The following PELI2 variants were observed in gnomAD, a reference collection of about 807,000 sequenced individuals.
PELI2 encodes the protein pellino E3 ubiquitin protein ligase family member 2, also known as E3 ubiquitin-protein ligase pellino homolog 2.
In PELI2, 23 loss-of-function variants were observed where a neutral mutation model predicts 42.3. The ratio of observed to expected loss-of-function variants is 0.54; its 90% CI spans 0.39 to 0.77. The LOEUF (loss-of-function observed/expected upper bound fraction) is 0.77, where lower values mean the gene tolerates loss of function less well. Ranked by LOEUF, PELI2 falls within the 30% of genes least tolerant of loss-of-function variation. PELI2 has a pLI of 0.00. For synonymous variants in PELI2, 245 were observed against 212.2 expected (o/e 1.15, Z -1.34); for missense variants, 463 against 553.2 (o/e 0.84, Z 1.64).
chr14:56,227,029 A>G (rs1887382208), intron 2 of PELI2, among the ~76,000 whole-genome samples: 1 of 152,202 alleles, frequency 6.6e-6, no homozygotes, highest in Non-Finnish European at 1.5e-5. Context: ...GTCTGTGGCA[A>G]TTTTCAGGAA....
chr14:56,162,886 T>C (rs1330116910), intron 1 of PELI2, among the ~76,000 whole-genome samples: 1 of 152,180 alleles, frequency 6.6e-6, no homozygotes, highest in Admixed American at 6.5e-5. Context: ...TGTTTGTCAT[T>C]TGTATGTCTT....
intron 2 of PELI2, among the ~76,000 whole-genome samples, chr14:56,198,010 A>ACACCCCCC (rs1555346657): frequency 2.6e-5 from 3 of 114,618 alleles, no homozygotes; most frequent in East Asian, 2.2e-4. Flanking sequence ...ACACACACAC[A>ACACCCCCC]CACCCACCTC....
chr14:56,258,997 A>G (rs1888621548), intron 2 of PELI2, among the ~76,000 whole-genome samples: 1 of 152,142 alleles, frequency 6.6e-6, no homozygotes, highest in African/African-American at 2.4e-5. Flanking sequence ...AACAAAATTA[A>G]GAATGAAAAA....
chr14:56,241,494 C>T (rs1887972219), intron 2 of PELI2, among the ~76,000 whole-genome samples: 1 of 152,108 alleles, frequency 6.6e-6, no homozygotes, highest in African/African-American at 2.4e-5. Context: ...TTTATTCTAC[C>T]TGTATTGCCG....
At chr14:56,187,003 G>A (rs1359605886) in intron 2 of PELI2, among the ~76,000 whole-genome samples, 1 of 152,074 alleles carries the variant, frequency 6.6e-6, no homozygotes, top group African/African-American at 2.4e-5. Context: ...CAAACATGGA[G>A]CATTAAAGTT....
At chr14:56,238,148 T>C (rs554093339) in intron 2 of PELI2, among the ~76,000 whole-genome samples, 1 of 152,292 alleles carries the variant, frequency 6.6e-6, no homozygotes, top group South Asian at 2.1e-4. Flanking sequence ...ACTTAACCTA[T>C]TGTCAGTCAG....
At chr14:56,241,386 C>T (rs1887970036) in intron 2 of PELI2, among the ~76,000 whole-genome samples, 1 of 152,078 alleles carries the variant, frequency 6.6e-6, no homozygotes, top group Non-Finnish European at 1.5e-5. Context: ...ATGTGAGTTA[C>T]AAAGGTAGTA....
At chr14:56,262,949 G>C (rs559142440) in intron 2 of PELI2, among the ~76,000 whole-genome samples, 60 of 152,092 alleles carry the variant, frequency 3.9e-4, no homozygotes, top group Admixed American at 1.4e-3. Flanking sequence ...TTATCTGGGG[G>C]TTGTTTATAA....
rs796684592 is a variant in PELI2 at position 56,289,052 on chromosome 14, G to A, written c.507+418G>A. On this transcript the variant is annotated intron_variant, in intron 4 of 5. Coordinates refer to ENST00000267460, the MANE Select transcript of PELI2 (RefSeq NM_021255.3). Reference sequence around the variant, plus strand: ...TTCCATACTGGGTGTTTTAGTTATGGGATTACAGAGAACAACACAGACTTG... The same window carrying A: ...TTCCATACTGGGTGTTTTAGTTATGAGATTACAGAGAACAACACAGACTTG... 4.2e-4 allele frequency among the ~76,000 whole-genome samples: 64 copies of A among 152,202 alleles called. 1 individual carries two copies. Among genetic ancestry groups the A allele is most frequent in the African/African-American group, 1.3e-3 (56 of 41,536 alleles).
At chr14:56,147,558 T>A (rs1397632475) in intron 1 of PELI2, among the ~76,000 whole-genome samples, 1 of 152,246 alleles carries the variant, frequency 6.6e-6, no homozygotes, top group Non-Finnish European at 1.5e-5. Flanking sequence ...TTTGAGGATA[T>A]AACATTTTTC....
chr14:56,212,848 C>T (rs1483929539), intron 2 of PELI2, among the ~76,000 whole-genome samples: 1 of 152,196 alleles, frequency 6.6e-6, no homozygotes, highest in Non-Finnish European at 1.5e-5. Context: ...CACACCTGCC[C>T]CACAAGAGAG....
At chr14:56,233,049 T>G (rs371074741) in intron 2 of PELI2, among the ~76,000 whole-genome samples, 90 of 152,070 alleles carry the variant, frequency 5.9e-4, no homozygotes, top group Non-Finnish European at 6.3e-4. Context: ...ACTTACAGGG[T>G]ATGTGAAGGA....
chr14:56,159,481 A>G (rs1884679431), intron 1 of PELI2, among the ~76,000 whole-genome samples: 1 of 152,240 alleles, frequency 6.6e-6, no homozygotes, highest in Non-Finnish European at 1.5e-5. Flanking sequence ...AATGGCTCTC[A>G]TTCAGGAATA....
Position 56,197,164 on chromosome 14 carries a change from C to T in PELI2, c.207+18700C>T, listed in dbSNP as rs1886159513. ...TGGAGGTTGTAGGGTCAGAGGCAGG[C>T]AATAAATAAGAAATCAAACAAATAA... is the stretch of plus-strand genomic sequence containing the variant. On this transcript the variant is annotated intron_variant, in intron 2 of 5. Coordinates refer to ENST00000267460, the MANE Select transcript of PELI2 (RefSeq NM_021255.3). The surrounding 1 kb of genome is among the most constrained non-coding windows in gnomAD (Gnocchi z 4.9). Among the ~76,000 whole-genome samples, 1 of 152,060 alleles carries T rather than the reference C, an allele frequency of 6.6e-6. No homozygotes were observed. The highest frequency in any genetic ancestry group is 3.4e-3 in the Middle Eastern group (1 of 292).
chr14:56,174,094 G>A (rs959280606), intron 1 of PELI2, among the ~76,000 whole-genome samples: 2 of 152,084 alleles, frequency 1.3e-5, no homozygotes, highest in Non-Finnish European at 2.9e-5. Flanking sequence ...GTAGAGACAG[G>A]GTTTCACCAC....
intron 1 of PELI2, among the ~76,000 whole-genome samples, chr14:56,119,366 C>T (rs143674595): frequency 6.6e-6 from 1 of 152,052 alleles, no homozygotes; most frequent in Non-Finnish European, 1.5e-5. Flanking sequence ...CCGGCCGGCC[C>T]TCCGCTTCTC....
intron 5 of PELI2, among the ~76,000 whole-genome samples, chr14:56,292,361 A>T (rs949601579): frequency 2.0e-5 from 3 of 152,196 alleles, no homozygotes; most frequent in African/African-American, 7.2e-5. Flanking sequence ...TAACCTCTGG[A>T]GAACAGTTTT....
rs549857753 is a variant in PELI2, at chr14:56,219,788, T to A, written c.207+41324T>A. Among the ~76,000 whole-genome samples, 10 of 152,164 alleles carry A rather than the reference T, an allele frequency of 6.6e-5. No homozygotes were observed. The highest frequency in any genetic ancestry group is 1.2e-4 in the Non-Finnish European group (8 of 68,030). ...CCTTGACTCTATTCAGTTAGAGTCA[T>A]TTATTTATTTTTACATGTTTGTAAC... On this transcript the variant is annotated intron_variant, in intron 2 of 5. Coordinates refer to ENST00000267460, the MANE Select transcript of PELI2 (RefSeq NM_021255.3). This position sits in a 1 kb window ranked among gnomAD's most constrained non-coding sequence, Gnocchi z 4.1.
chr14:56,162,709 T>C (rs1165331827), intron 1 of PELI2, among the ~76,000 whole-genome samples: 1 of 152,242 alleles, frequency 6.6e-6, no homozygotes, highest in Non-Finnish European at 1.5e-5. Context: ...GTGGTTGTAC[T>C]AATTTACATT....
Sources: gnomAD v4.1 joint callset for allele counts (sites outside exome capture counted in the v4.1 genomes callset) on GRCh38, gnomAD v4.1.1 for gene constraint, Gnocchi (gnomAD v3.1) non-coding constraint, MANE v1.5 for transcripts, NCBI Gene and HGNC (gene_info 2026-07-23, HGNC 2026-07-21) for gene names.